FHIP1A: variants seen among roughly 807,000 people sequenced by gnomAD.
The protein encoded by FHIP1A is FHF complex subunit HOOK-interacting protein 1A.
In FHIP1A, 61 loss-of-function variants were observed where a neutral mutation model predicts 88.6. The observed-to-expected ratio is 0.69, with a 90% CI of 0.56 to 0.85. The LOEUF is 0.85. Ranked by LOEUF, FHIP1A falls within the 40% of genes least tolerant of loss-of-function variation. The pLI, the probability that FHIP1A is intolerant of heterozygous loss-of-function variation, is 0.00. For missense variants in FHIP1A, 1,154 were observed against 1,273.5 expected, an observed-to-expected ratio of 0.91 and a Z score of 1.43; for synonymous variants, 478 against 496.0, an observed-to-expected ratio of 0.96 and a Z score of 0.48.
At chr4:151,498,754 GGCA>G (rs1333417465) in intron 3 of FHIP1A, among the ~76,000 whole-genome samples, 1 of 152,144 alleles carries the variant, frequency 6.6e-6, no homozygotes, top group Non-Finnish European at 1.5e-5. Flanking sequence ...GGCAGAGCTT[GGCA>G]GTGAGCCGAG....
At chr4:151,539,068 T>TG (rs1732172634) in intron 3 of FHIP1A, among the ~76,000 whole-genome samples, 1 of 152,220 alleles carries the variant, frequency 6.6e-6, no homozygotes, top group South Asian at 2.1e-4. Flanking sequence ...AATTAAACTC[T>TG]GGGGATAACC....
intron 3 of FHIP1A, among the ~76,000 whole-genome samples, chr4:151,518,134 C>G (rs1032427305): frequency 2.0e-5 from 3 of 152,148 alleles, no homozygotes; most frequent in East Asian, 1.9e-4. Context: ...CCTGCAAGCT[C>G]TATTCATGGT....
chr4:151,477,781 C>T (rs79166343), intron 2 of FHIP1A, among the ~76,000 whole-genome samples: 1,788 of 151,862 alleles, frequency 0.012, 27 homozygotes, highest in African/African-American at 0.042. Flanking sequence ...ACAACTACAC[C>T]GAGGTACCAT....
intron 1 of FHIP1A, among the ~76,000 whole-genome samples, chr4:151,429,576 C>T (rs532994192): frequency 5.9e-5 from 9 of 152,202 alleles, no homozygotes; most frequent in Middle Eastern, 3.4e-3. Flanking sequence ...ATAATATCCA[C>T]GGTGGCTCAT....
chr4:151,468,284 CAAAAA>C (rs921242622), intron 2 of FHIP1A, among the ~76,000 whole-genome samples: 1 of 38,324 alleles, frequency 2.6e-5, no homozygotes, highest in Non-Finnish European at 5.5e-5. Flanking sequence ...GACTCCATCT[CAAAAA>C]AAAAAAAAAA....
At chr4:151,637,522 A>C (rs1453945723) in intron 8 of FHIP1A, among the ~76,000 whole-genome samples, 1 of 152,158 alleles carries the variant, frequency 6.6e-6, no homozygotes, top group Non-Finnish European at 1.5e-5. Flanking sequence ...GTTACTATGC[A>C]ATCTGATAAA....
intron 7 of FHIP1A, among the ~76,000 whole-genome samples, chr4:151,623,698 A>T (rs1301947566): frequency 6.6e-6 from 1 of 152,160 alleles, no homozygotes; most frequent in African/African-American, 2.4e-5. Flanking sequence ...GCAGAGGAGG[A>T]AACAGGCTTA....
intron 10 of FHIP1A, among the ~76,000 whole-genome samples, chr4:151,647,715 A>G (rs1291665895): frequency 6.6e-6 from 1 of 152,244 alleles, no homozygotes; most frequent in Non-Finnish European, 1.5e-5. Context: ...TGGATATCTT[A>G]TATTTTCATA....
chr4:151,632,697 T>C (rs1037760297), intron 8 of FHIP1A, among the ~76,000 whole-genome samples: 5 of 151,748 alleles, frequency 3.3e-5, no homozygotes, highest in Non-Finnish European at 7.4e-5. Flanking sequence ...GTGGAAAAAA[T>C]TATGAATACA....
chr4:151,415,849 A>C (rs536084758), intron 1 of FHIP1A, among the ~76,000 whole-genome samples: 1 of 152,212 alleles, frequency 6.6e-6, no homozygotes, highest in Non-Finnish European at 1.5e-5. Flanking sequence ...TTTGGTTTTA[A>C]TGTTTTCCCC....
At chr4:151,507,499 C>T (rs1341178913) in intron 3 of FHIP1A, among the ~76,000 whole-genome samples, 1 of 151,906 alleles carries the variant, frequency 6.6e-6, no homozygotes, top group Non-Finnish European at 1.5e-5. Context: ...TATTTTTTCC[C>T]TCTTTCCATT....
At chr4:151,616,440 CTTTCTTTTTTTTTTT>C (rs1208442583) in intron 7 of FHIP1A, among the ~76,000 whole-genome samples, 9 of 138,866 alleles carry the variant, frequency 6.5e-5, no homozygotes, top group Non-Finnish European at 1.1e-4. Flanking sequence ...ATCTTTCTTT[CTTTCTTTTTTTTTTT>C]TTTTTTTTTT....
At chr4:151,422,223 A>AT (rs1254702808) in intron 1 of FHIP1A, among the ~76,000 whole-genome samples, 6,113 of 132,826 alleles carry the variant, frequency 0.046, 425 homozygotes, top group African/African-American at 0.14. Context: ...GACATTAAAA[A>AT]AATATATATA....
chr4:151,552,593 G>A (rs1047877899), intron 3 of FHIP1A, among the ~76,000 whole-genome samples: 3 of 151,932 alleles, frequency 2.0e-5, no homozygotes, highest in Admixed American at 6.6e-5. Flanking sequence ...ACCAAATACC[G>A]CATTTCTCAC....
intron 8 of FHIP1A, among the ~76,000 whole-genome samples, chr4:151,631,027 T>C (rs1449357814): frequency 2.0e-5 from 3 of 152,134 alleles, no homozygotes; most frequent in African/African-American, 7.2e-5. Flanking sequence ...AAATATATAG[T>C]TGTGAACACA....
At chr4:151,541,364 T>C (rs1732277728) in intron 3 of FHIP1A, among the ~76,000 whole-genome samples, 1 of 152,244 alleles carries the variant, frequency 6.6e-6, no homozygotes, top group South Asian at 2.1e-4. Flanking sequence ...TTGCCTGGCC[T>C]GAGCTGGTAA....
rs200365219 is a variant in FHIP1A, at chr4:151,517,099, G to A, written c.-123+34451G>A. 5.0e-3 allele frequency among the ~76,000 whole-genome samples: 765 copies of A among 152,222 alleles called. 14 individuals carry two copies. The East Asian group carries it at 0.066, about 13-fold the overall frequency. ...TGGATTAAGAAAATGTGGCACATAT[G>A]CACCATGGAATACTATGCAGCCATA... On this transcript the variant is annotated intron_variant, in intron 3 of 13. Transcript: ENST00000435205.
intron 3 of FHIP1A, among the ~76,000 whole-genome samples, chr4:151,490,374 AG>A (rs1165771486): frequency 6.6e-6 from 1 of 152,186 alleles, no homozygotes; most frequent in African/African-American, 2.4e-5. Flanking sequence ...AGAGCCTGGT[AG>A]GCCTACTGGG....
chr4:151,583,666 C>G lies in FHIP1A; in HGVS notation c.733-2975C>G, dbSNP rs141844122. ...CAGAGCCTCAAAGTGGTTAAGAATT[C>G]AGGAGTATGCAGAATTAAAGCCTTT... is the stretch of plus-strand genomic sequence containing the variant. On this transcript the variant is annotated intron_variant, in intron 5 of 13. Transcript: ENST00000435205. 2.0e-5 allele frequency among the ~76,000 whole-genome samples: 3 copies of G among 152,262 alleles called. No individual in the cohort carries two copies. The East Asian group carries it at 5.8e-4, about 29-fold the overall frequency.
Sources: allele counts gnomAD v4.1 joint callset (sites outside exome capture counted in the v4.1 genomes callset), GRCh38; gene constraint gnomAD v4.1.1; transcripts MANE v1.5; gene names NCBI Gene and HGNC (gene_info 2026-07-23, HGNC 2026-07-21).